The following PCCB variants were observed in gnomAD, a reference collection of about 807,000 sequenced individuals.
PCCB encodes propionyl-CoA carboxylase beta chain, mitochondrial.
PCCB carries 43 observed loss-of-function variants against 60.7 expected under a neutral mutation model. The ratio of observed to expected loss-of-function variants is 0.71; its 90% CI spans 0.55 to 0.91. PCCB has a LOEUF of 0.91. PCCB is among the 40% of genes least tolerant of loss of function. PCCB has a pLI of 0.00. For synonymous variants in PCCB, 276 were observed against 255.9 expected (o/e 1.08, Z -0.75); for missense variants, 766 against 702.8 (o/e 1.09, Z -1.02).
chr3:136,320,991 T>C (rs1935088052), intron 10 of PCCB, among the ~76,000 whole-genome samples: 1 of 152,236 alleles, frequency 6.6e-6, no homozygotes, highest in Non-Finnish European at 1.5e-5. Flanking sequence ...TGGAGGAAGT[T>C]TCCATCTGTT....
chr3:136,268,319 A>C (rs1175228858), intron 5 of PCCB, among the ~76,000 whole-genome samples: 1 of 151,466 alleles, frequency 6.6e-6, no homozygotes, highest in Non-Finnish European at 1.5e-5. Flanking sequence ...ACATTGATAA[A>C]AATATCAGTT....
intron 6 of PCCB, among the ~76,000 whole-genome samples, chr3:136,285,535 C>T (rs1454818004): frequency 6.6e-6 from 1 of 151,934 alleles, no homozygotes; most frequent in Admixed American, 6.6e-5. Flanking sequence ...TAGCTTTGTC[C>T]CCTAGACCAC....
intron 5 of PCCB, among the ~76,000 whole-genome samples, chr3:136,266,028 T>C (rs1941973402): frequency 6.6e-6 from 1 of 152,066 alleles, no homozygotes; most frequent in Non-Finnish European, 1.5e-5. Context: ...GGTTTCACCA[T>C]GTTAGCTAGG....
In PCCB at chr3:136,250,446, C is replaced by T. The variant is rs775585333; in HGVS notation, c.71C>T (p.Ala24Val). 4.4e-6 allele frequency: 7 copies of T among 1,602,082 alleles called. No individual in the cohort carries two copies. The highest frequency in any genetic ancestry group is 6.0e-6 in the Non-Finnish European group (7 of 1,174,436). ...GTTCTGGCGAGCGGTCTCCGCGCCG[C>T]GGTCCGCAGCCTTTGCAGCCAGGCC... Reference protein sequence around the residue: ...LSVLASGLRAAVRSLCSQATS... With the variant: ...LSVLASGLRAVVRSLCSQATS... Residue 24 changes from alanine (A) to valine (V), a missense_variant, in exon 1 of 15, where the codon GCG (alanine) becomes GTG (valine). Coordinates refer to ENST00000251654, the MANE Select transcript of PCCB (RefSeq NM_000532.5).
chr3:136,294,212 T>G (rs1451961439), intron 7 of PCCB, among the ~76,000 whole-genome samples: 3 of 152,200 alleles, frequency 2.0e-5, no homozygotes, highest in Non-Finnish European at 4.4e-5. Flanking sequence ...CATTTTTTAT[T>G]CTAAGGTTGG....
intron 5 of PCCB, among the ~76,000 whole-genome samples, chr3:136,280,371 G>C (rs1158539081): frequency 1.3e-5 from 2 of 152,188 alleles, no homozygotes; most frequent in African/African-American, 2.4e-5. Context: ...TTTTGAGACA[G>C]AGTTTTGCTC....
chr3:136,321,783 A>G (rs924354848), intron 10 of PCCB, among the ~76,000 whole-genome samples: 20 of 152,210 alleles, frequency 1.3e-4, no homozygotes, highest in Middle Eastern at 3.2e-3. Flanking sequence ...TTCAGATTCT[A>G]CTGGTTTATT....
intron 5 of PCCB, among the ~76,000 whole-genome samples, chr3:136,279,799 C>T (rs1942426592): frequency 6.6e-6 from 1 of 152,120 alleles, no homozygotes; most frequent in Non-Finnish European, 1.5e-5. Flanking sequence ...TCCCGTGTAG[C>T]TGGGACTACA....
chr3:136,255,844 G>T lies in PCCB; in HGVS notation c.184-12G>T, dbSNP rs181283691. The T allele has an allele frequency of 3.0e-3, 4,856 of 1,613,084 alleles. 59 individuals are homozygous for T. The highest frequency in any genetic ancestry group is 0.024 in the South Asian group (2,178 of 91,060). ...GTGATGACATCACTGAGTGATCTTT[G>T]TTCCATTGTAGGGAAAGCTAACAGC... On this transcript the variant is annotated splice_polypyrimidine_tract_variant and intron_variant, in intron 1 of 14. Coordinates refer to ENST00000251654, the MANE Select transcript of PCCB (RefSeq NM_000532.5).
At chr3:136,317,242 T>TA (rs1553782830) in intron 10 of PCCB, among the ~76,000 whole-genome samples, 178 bp downstream of exon 10, 5 of 130,688 alleles carry the variant, frequency 3.8e-5, no homozygotes, top group Admixed American at 1.6e-4. Context: ...TTTTTTTTTT[T>TA]AGACAGGGTC....
chr3:136,254,295 T>C lies in PCCB; in HGVS notation c.184-1561T>C, dbSNP rs535016441. Among the ~76,000 whole-genome samples the C allele has an allele frequency of 1.8e-4, 28 of 151,910 alleles. 1 individual carries two copies. The South Asian group carries it at 4.8e-3, about 26-fold the overall frequency. The stretch of plus-strand genomic sequence containing the variant: ...GTACAGTGGTGCGATCTTGGCTCAC[T>C]GCAACCCCTGCCCCCTGGGTTCAAG... On this transcript the variant is annotated intron_variant, in intron 1 of 14. Coordinates refer to ENST00000251654, the MANE Select transcript of PCCB (RefSeq NM_000532.5).
intron 10 of PCCB, 131 bp downstream of exon 10, chr3:136,317,195 G>C (rs1327570347): frequency 1.8e-6 from 1 of 569,476 alleles, no homozygotes; most frequent in Admixed American, 3.4e-5. Flanking sequence ...AAATCTAAAT[G>C]GTTGTTATAA....
intron 9 of PCCB, among the ~76,000 whole-genome samples, chr3:136,307,967 C>A (rs1013964448): frequency 7.0e-6 from 1 of 143,130 alleles, no homozygotes; most frequent in African/African-American, 2.7e-5. Context: ...AAGAGTGAAA[C>A]TCCATCTCAA....
chr3:136,260,498 G>A lies in PCCB; in HGVS notation c.392G>A (p.Gly131Asp). 1 of 1,613,570 alleles carries A rather than the reference G, an allele frequency of 6.2e-7. No homozygotes were observed. Among genetic ancestry groups the A allele is most frequent in the Non-Finnish European group, 8.5e-7 (1 of 1,179,590 alleles). ...TTTTAGGATTTTACAGTTTTTGGAGGCAGTCTGTCAGGAGCACATGCCCAA... is the reference window on the plus strand; with the variant it reads ...TTTTAGGATTTTACAGTTTTTGGAGACAGTCTGTCAGGAGCACATGCCCAA... ...VFSQDFTVFG[G>D]SLSGAHAQKI... Residue 131 changes from glycine (G) to aspartate (D), a missense_variant, in exon 4 of 15, where the codon GGC becomes GAC. Coordinates refer to ENST00000251654, the MANE Select transcript of PCCB (RefSeq NM_000532.5).
intron 5 of PCCB, among the ~76,000 whole-genome samples, chr3:136,283,024 C>T (rs1225062739): frequency 6.6e-6 from 1 of 152,198 alleles, no homozygotes; most frequent in African/African-American, 2.4e-5. Context: ...GAAGTCTCCC[C>T]TACTACCTTG....
chr3:136,255,728 T>C (rs1941654557), intron 1 of PCCB, 128 bp from the exon 2 acceptor site: 4 of 820,752 alleles, frequency 4.9e-6, no homozygotes, highest in Middle Eastern at 6.7e-4. Context: ...GCAGGTTGGA[T>C]AGAATGAAAG....
chr3:136,294,659 G>A (rs1933853911), intron 7 of PCCB, among the ~76,000 whole-genome samples: 1 of 151,732 alleles, frequency 6.6e-6, no homozygotes, highest in African/African-American at 2.4e-5. Flanking sequence ...TGCCCAGGCT[G>A]GAGTGCAGGA....
chr3:136,324,964 C>T lies in PCCB; in HGVS notation c.1091-1839C>T, dbSNP rs1248658478. ...CTGGAGTGCAGTGGCATGATCTTGG[C>T]TCACTGCAACCTCCTTCTCCCAGGT... On this transcript the variant is annotated intron_variant, in intron 10 of 14. Coordinates refer to ENST00000251654, the MANE Select transcript of PCCB (RefSeq NM_000532.5). Among the ~76,000 whole-genome samples, 3 of 152,214 alleles carry T rather than the reference C, an allele frequency of 2.0e-5. No homozygotes were observed. In the East Asian group the frequency reaches 5.8e-4, roughly 29 times the overall value.
chr3:136,262,896 G>A lies in PCCB; in HGVS notation c.543+831G>A, dbSNP rs939696632. On this transcript the variant is annotated intron_variant, in intron 5 of 14. Coordinates refer to ENST00000251654, the MANE Select transcript of PCCB (RefSeq NM_000532.5). The stretch of plus-strand genomic sequence containing the variant: ...TGGTGATAAACCACCACATTTTAGA[G>A]CTTGACTGGATTTTAGAATATCATC... 5.8e-4 allele frequency among the ~76,000 whole-genome samples: 88 copies of A among 151,948 alleles called. 1 individual carries two copies. Among genetic ancestry groups the A allele is most frequent in the Middle Eastern group, 3.4e-3 (1 of 292 alleles).
Sources: allele counts gnomAD v4.1 joint callset (sites outside exome capture counted in the v4.1 genomes callset), GRCh38; gene constraint gnomAD v4.1.1; transcripts MANE v1.5; gene names NCBI Gene and HGNC (gene_info 2026-07-23, HGNC 2026-07-21).